The following GFRA2 variants were observed in gnomAD, a reference collection of about 807,000 sequenced individuals.
GFRA2 encodes the protein GDNF family receptor alpha-2.
Under a neutral mutation model 48.3 loss-of-function variants are expected in GFRA2, and 17 were observed. The observed-to-expected ratio is 0.35, with a 90% CI of 0.24 to 0.53. The LOEUF is 0.53. Among genes scored for constraint, GFRA2 ranks in the 20% least tolerant of loss-of-function variants. The probability of loss-of-function intolerance (pLI) is 0.93; values close to 1 mark genes in which losing one functional copy is unlikely to be tolerated. For missense variants in GFRA2, 660 were observed against 637.3 expected, an observed-to-expected ratio of 1.04 and a Z score of -0.38; for synonymous variants, 305 against 257.2, an observed-to-expected ratio of 1.19 and a Z score of -1.78.
At chr8:21,744,896 G>T (rs1278937075) in intron 4 of GFRA2, among the ~76,000 whole-genome samples, 9 of 152,180 alleles carry the variant, frequency 5.9e-5, no homozygotes, top group African/African-American at 2.2e-4. Flanking sequence ...TCAAAGCCAG[G>T]TGGAACTGTC....
chr8:21,694,340 G>A, intron 8 of GFRA2, 124 bp downstream of exon 8: 1 of 930,706 alleles, frequency 1.1e-6, no homozygotes, highest in Non-Finnish European at 1.6e-6. Context: ...CCCTGGTCCA[G>A]AAGCTCAGCT....
intron 4 of GFRA2, among the ~76,000 whole-genome samples, chr8:21,729,140 C>A (rs566162885): frequency 6.6e-6 from 1 of 152,268 alleles, no homozygotes; most frequent in African/African-American, 2.4e-5. Context: ...TAAACCTCTC[C>A]GCCTGGTTCT....
At chr8:21,730,217 C>A (rs1804115423) in intron 4 of GFRA2, among the ~76,000 whole-genome samples, 1 of 152,064 alleles carries the variant, frequency 6.6e-6, no homozygotes, top group Non-Finnish European at 1.5e-5. Flanking sequence ...CCAGCCTGGG[C>A]AACATGGTAA....
intron 4 of GFRA2, among the ~76,000 whole-genome samples, chr8:21,721,124 C>G (rs1441962849): frequency 6.6e-6 from 1 of 152,024 alleles, no homozygotes; most frequent in Non-Finnish European, 1.5e-5. Context: ...TAAGAACTCT[C>G]CTAACACCTC....
intron 4 of GFRA2, among the ~76,000 whole-genome samples, chr8:21,729,994 G>GGGA (rs900109978): frequency 6.6e-6 from 1 of 152,122 alleles, no homozygotes; most frequent in Non-Finnish European, 1.5e-5. Flanking sequence ...GGGGAATTCA[G>GGGA]GGAGGAGGAG....
intron 4 of GFRA2, among the ~76,000 whole-genome samples, chr8:21,734,638 G>A (rs1412743355): frequency 6.6e-6 from 1 of 152,234 alleles, no homozygotes; most frequent in African/African-American, 2.4e-5. Flanking sequence ...TTCGCCCTGT[G>A]CCATGGAAGC....
intron 1 of GFRA2, among the ~76,000 whole-genome samples, chr8:21,808,984 T>C (rs533465869): frequency 6.6e-6 from 1 of 152,332 alleles, no homozygotes; most frequent in African/African-American, 2.4e-5. Context: ...CTCAAATGCA[T>C]TGTGGAATGA....
intron 4 of GFRA2, among the ~76,000 whole-genome samples, chr8:21,729,781 T>G (rs1421203720): frequency 2.6e-5 from 4 of 151,952 alleles, no homozygotes; most frequent in African/African-American, 9.7e-5. Flanking sequence ...AAAGGGCTTC[T>G]CAGAGTCACC....
intron 4 of GFRA2, among the ~76,000 whole-genome samples, chr8:21,737,796 C>T (rs1804545091): frequency 6.6e-6 from 1 of 152,170 alleles, no homozygotes. Flanking sequence ...AGAATGCCTA[C>T]ATCGAGCAGT....
intron 4 of GFRA2, among the ~76,000 whole-genome samples, chr8:21,744,983 G>A (rs915497577): frequency 1.3e-5 from 2 of 152,182 alleles, no homozygotes; most frequent in Non-Finnish European, 1.5e-5. Flanking sequence ...TTCAAAGGAT[G>A]ATGGGAGGAT....
intron 3 of GFRA2, among the ~76,000 whole-genome samples, chr8:21,759,536 A>G (rs969874128): frequency 6.8e-5 from 10 of 147,444 alleles, no homozygotes; most frequent in Admixed American, 3.4e-4. Context: ...GAAGGAAGGA[A>G]GGAAGGAGGG....
chr8:21,742,422 GGATCAA>G (rs1255757135), intron 4 of GFRA2, among the ~76,000 whole-genome samples: 1 of 152,154 alleles, frequency 6.6e-6, no homozygotes, highest in South Asian at 2.1e-4. Context: ...GGGCCTTTAT[GGATCAA>G]GGTGCCATCA....
At chr8:21,694,981 T>C (rs1483360743) in intron 7 of GFRA2, among the ~76,000 whole-genome samples, 2 of 152,228 alleles carry the variant, frequency 1.3e-5, no homozygotes, top group Non-Finnish European at 2.9e-5. Flanking sequence ...TAATTTGCCA[T>C]GGCTGATGGA....
At chr8:21,714,243 G>GTTTTTTTTT (rs1385783305) in intron 4 of GFRA2, among the ~76,000 whole-genome samples, 3 of 46,040 alleles carry the variant, frequency 6.5e-5, no homozygotes, top group Non-Finnish European at 9.3e-5. Context: ...CTGGTCTGAA[G>GTTTTTTTTT]TTCTTTTTTT....
chr8:21,785,958 G>A (rs1199423550), intron 1 of GFRA2, among the ~76,000 whole-genome samples: 1 of 152,120 alleles, frequency 6.6e-6, no homozygotes, highest in Admixed American at 6.6e-5. Context: ...CCCCAGGGCT[G>A]AAGTTTCCTA....
chr8:21,729,534 T>G (rs369471961), intron 4 of GFRA2, among the ~76,000 whole-genome samples: 1 of 152,046 alleles, frequency 6.6e-6, no homozygotes, highest in East Asian at 1.9e-4. Context: ...AGATTTCCCC[T>G]CTTCACATCC....
At chr8:21,811,562 G>A (rs1040905133) in intron 1 of GFRA2, among the ~76,000 whole-genome samples, 1 of 152,076 alleles carries the variant, frequency 6.6e-6, no homozygotes, top group Non-Finnish European at 1.5e-5. Context: ...CGGGTCAGAG[G>A]AACAGTCTCG....
chr8:21,769,299 C>T (rs1806333290), intron 3 of GFRA2: 4 of 247,930 alleles, frequency 1.6e-5, no homozygotes, highest in Non-Finnish European at 2.5e-5. Context: ...CTGCACACCA[C>T]GGCCAGGATC....
At chr8:21,752,708 A>C (rs1805357435) in intron 3 of GFRA2, among the ~76,000 whole-genome samples, 1 of 151,902 alleles carries the variant, frequency 6.6e-6, no homozygotes, top group African/African-American at 2.4e-5. Context: ...CACACTTGAC[A>C]CATCCAAACC....
Sources: gnomAD v4.1 joint callset for allele counts (sites outside exome capture counted in the v4.1 genomes callset) on GRCh38, gnomAD v4.1.1 for gene constraint, MANE v1.5 for transcripts, NCBI Gene and HGNC (gene_info 2026-07-23, HGNC 2026-07-21) for gene names.